Variants in MAP3K12 observed in about 807,000 individuals in gnomAD.
The protein encoded by MAP3K12 is mitogen-activated protein kinase kinase kinase 12.
A neutral mutation model predicts 87.5 loss-of-function variants in MAP3K12; 14 were observed. The observed-to-expected ratio is 0.16, with a 90% CI of 0.11 to 0.25. The LOEUF is 0.25. Ranked by LOEUF, MAP3K12 falls within the 10% of genes least tolerant of loss-of-function variation. The probability of loss-of-function intolerance (pLI) is 1.00; values close to 1 mark genes in which losing one functional copy is unlikely to be tolerated. For missense variants in MAP3K12, 802 were observed against 1,140.4 expected (o/e 0.70, Z 4.27); for synonymous variants, 469 against 452.5 (o/e 1.04, Z -0.46).
rs1169555229 is a variant in MAP3K12 at position 53,480,479 on chromosome 12, A to C, written c.*703T>G. 1 of 152,610 alleles carries C rather than the reference A, an allele frequency of 6.6e-6. No individual in the cohort carries two copies. The highest frequency in any genetic ancestry group is 1.9e-4 in the East Asian group (1 of 5,192). 9.5% of individuals were successfully genotyped at this position (152,610 alleles called of 1,614,324 possible). A position where few individuals can be genotyped will look rare whatever the true frequency, so the allele number is the denominator to read the frequency against. ...TGGTACCCCATTCATTCATCAAGAA[A>C]ACCCTCAACAGCTGGGCCTGCATGG... On this transcript the variant is annotated 3_prime_UTR_variant, in exon 14 of 14. Transcript: ENST00000547488.
chr12:53,484,461 C>T (rs756734291), intron 6 of MAP3K12, 96 bp from the exon 7 acceptor site: 7 of 834,388 alleles, frequency 8.4e-6, no homozygotes, highest in Non-Finnish European at 1.4e-5. Flanking sequence ...CTGGAGAATC[C>T]AATCCTAGAA....
At chr12:53,497,166 G>T (rs371012278) in intron 1 of MAP3K12, among the ~76,000 whole-genome samples, 10 of 152,282 alleles carry the variant, frequency 6.6e-5, no homozygotes, top group East Asian at 3.9e-4. Context: ...TATCTCACTT[G>T]GTCTTGTTAC....
intron 10 of MAP3K12, 50 bp downstream of exon 10, chr12:53,483,299 C>T (rs1943130525): frequency 5.0e-6 from 8 of 1,597,570 alleles, no homozygotes; most frequent in Non-Finnish European, 6.8e-6. Flanking sequence ...TACCTGTTGC[C>T]ACTTCAGTAT....
At position 53,485,493 on chromosome 12, in the gene MAP3K12, C is replaced by A; in HGVS notation, c.822-18G>T. On this transcript the variant is annotated intron_variant, in intron 4 of 13. Coordinates refer to ENST00000547488, the MANE Select transcript of MAP3K12 (RefSeq NM_001193511.2). ...TTAGCATGCTGGTAAAGAGTGTAGT[C>A]AGCTGGGGTCCACACCCCTCCACAC... 6.2e-7 allele frequency: 1 copy of A among 1,610,438 alleles called. No individual in the cohort carries two copies. The highest frequency in any genetic ancestry group is 1.1e-5 in the South Asian group (1 of 90,302).
chr12:53,494,771 G>A (rs1943505015), intron 1 of MAP3K12, among the ~76,000 whole-genome samples: 2 of 152,260 alleles, frequency 1.3e-5, no homozygotes, highest in Admixed American at 1.3e-4. Context: ...CAAAGGGAAA[G>A]GAGACCCAAG....
At position 53,482,976 on chromosome 12, in the gene MAP3K12, G is replaced by A. The variant is rs537027662; in HGVS notation, c.1827C>T (p.Ser609=). Residue 609 remains serine (S), a synonymous_variant, in exon 11 of 14, where the codon AGC becomes AGT. Transcript: ENST00000547488. ...AGGGTCCCCCTCCTAGGCCCCCTGG[G>A]CTTCCTGGTCCTCCAGGTTCATGGG... ...VPPHEPGGPG[S]PGGLGGGPSA... 4 of 1,582,842 alleles carry A rather than the reference G, an allele frequency of 2.5e-6. No homozygotes were observed. Among genetic ancestry groups the A allele is most frequent in the Non-Finnish European group, 2.6e-6 (3 of 1,165,792 alleles).
chr12:53,486,382 AG>A lies in MAP3K12; in HGVS notation c.629+56del. 6.3e-7 allele frequency: 1 copy of A among 1,593,352 alleles called. No homozygotes were observed. The highest frequency in any genetic ancestry group is 1.1e-5 in the South Asian group (1 of 87,858). On this transcript the variant is annotated intron_variant, in intron 3 of 13. Transcript: ENST00000547488. This position sits in a 1 kb window ranked among gnomAD's most constrained non-coding sequence, Gnocchi z 4.9. ...GATGGGGTAGGTCCCACTGCCCAGG[AG>A]GGTACCAGGCCTTAGCATAGTATCC...
chr12:53,487,215 A>C lies in MAP3K12; in HGVS notation c.177T>G (p.Gly59=), dbSNP rs1943252664. Reference sequence around the variant, plus strand: ...CTGGGGAGGGGCTGGGCCCTCCCCCACCCTGCCCACCAAGGGGTACCACAT... The same window carrying C: ...CTGGGGAGGGGCTGGGCCCTCCCCCCCCCTGCCCACCAAGGGGTACCACAT... ...LRDVVPLGGQ[G]GGGPSPSPGG... is the part of the protein sequence containing the mutation. Residue 59 remains glycine, a synonymous_variant, in exon 2 of 14, where the codon GGT becomes GGG. Transcript: ENST00000547488. 1 of 1,612,494 alleles carries C rather than the reference A, an allele frequency of 6.2e-7. No individual in the cohort carries two copies. The highest frequency in any genetic ancestry group is 8.5e-7 in the Non-Finnish European group (1 of 1,179,366).
chr12:53,487,973 G>A (rs1005804308), intron 1 of MAP3K12: 2 of 153,924 alleles, frequency 1.3e-5, no homozygotes, highest in African/African-American at 4.8e-5. Flanking sequence ...CAGCATTCTT[G>A]AGCTGCCTAC....
At chr12:53,491,616 G>C (rs1004485886) in intron 1 of MAP3K12, among the ~76,000 whole-genome samples, 9 of 151,548 alleles carry the variant, frequency 5.9e-5, no homozygotes, top group African/African-American at 2.2e-4. Flanking sequence ...TCTGTGTTTA[G>C]TAGAGACCGG....
rs1942996411 is a variant in MAP3K12, at chr12:53,480,734, G to C, written c.*448C>G. Reference sequence around the variant, plus strand: ...CATTGCCACCTGAGAAACCTCAGAGGGGAGGACCCAGCCTTAGCCTCCCTC... The same window carrying C: ...CATTGCCACCTGAGAAACCTCAGAGCGGAGGACCCAGCCTTAGCCTCCCTC... On this transcript the variant is annotated 3_prime_UTR_variant, in exon 14 of 14. Transcript: ENST00000547488. 6.6e-6 allele frequency: 1 copy of C among 152,562 alleles called. No homozygotes were observed. Among genetic ancestry groups the C allele is most frequent in the Admixed American group, 6.6e-5 (1 of 15,258 alleles). The allele number at this position is 152,562 out of a possible 1,614,324, so 9.5% of individuals were successfully genotyped here.
At position 53,482,939 on chromosome 12, in the gene MAP3K12, C is replaced by T. The variant is rs1943112167; in HGVS notation, c.1864G>A (p.Ala622Thr). ...AGCCCACGGAGGGCGGGAGGGCAGG[C>T]CTCCCAGGCTGAGGGTCCCCCTCCT... The part of the protein sequence containing the change: ...GLGGGPSAWE[A>T]CPPALRGLHH... The change falls in exon 11 of 14, where the codon GCC becomes ACC. Residue 622 changes from alanine to threonine, a missense_variant. Ala to Thr is a moderately conservative substitution (Grantham distance 58, BLOSUM62 0). Coordinates refer to ENST00000547488, the MANE Select transcript of MAP3K12 (RefSeq NM_001193511.2). The T allele has an allele frequency of 6.2e-7, 1 of 1,606,628 alleles. No individual in the cohort carries two copies. The highest frequency in any genetic ancestry group is 8.5e-7 in the Non-Finnish European group (1 of 1,178,534).
Position 53,481,198 on chromosome 12 carries a change from G to C in MAP3K12, c.2663C>G (p.Ala888Gly). 4.6e-6 allele frequency: 7 copies of C among 1,523,792 alleles called. No individual in the cohort carries two copies. The highest frequency in any genetic ancestry group is 6.2e-6 in the Non-Finnish European group (7 of 1,132,340). 94.4% of individuals were successfully genotyped at this position (1,523,792 alleles called of 1,614,324 possible). ...GAGTGGCTTTCATGGAGGGAGGGAA[G>C]CTGGGGGCCGCAAGGCATCAACGCT... ...SNSVDALRPP[A>G]SLPP Residue 888 changes from alanine (A) to glycine (G), a missense_variant, in exon 14 of 14, where the codon GCT becomes GGT. By Grantham distance (60) the Ala-to-Gly change is moderately conservative. This residue lies in a region of MAP3K12 where 490 missense variants were observed against 496.6 expected (regional missense o/e 0.99). Transcript: ENST00000547488.
At chr12:53,501,428 G>T (rs749572733), upstream of MAP3K12, 3 of 1,568,398 alleles carry the variant, frequency 1.9e-6, no homozygotes, top group Non-Finnish European at 2.6e-6. Context: ...GAGGAGCAAG[G>T]CTCCGGCACT....
In MAP3K12 at chr12:53,485,481, A is replaced by G; in HGVS notation, c.822-6T>C. 6.2e-7 allele frequency: 1 copy of G among 1,613,110 alleles called. No individual in the cohort carries two copies. Among genetic ancestry groups the G allele is most frequent in the Non-Finnish European group, 8.5e-7 (1 of 1,179,400 alleles). On this transcript the variant is annotated splice_region_variant and splice_polypyrimidine_tract_variant and intron_variant, in intron 4 of 13. Transcript: ENST00000547488. ...CGTCGTAGGTGATTAGCATGCTGGT[A>G]AAGAGTGTAGTCAGCTGGGGTCCAC...
intron 1 of MAP3K12, among the ~76,000 whole-genome samples, chr12:53,495,914 T>C (rs1248342540): frequency 6.6e-6 from 1 of 152,110 alleles, no homozygotes; most frequent in East Asian, 1.9e-4. Context: ...GTGAAGGGGT[T>C]CAGGGAAGGG....
chr12:53,492,662 A>AT (rs1211191979), intron 1 of MAP3K12, among the ~76,000 whole-genome samples: 2 of 152,104 alleles, frequency 1.3e-5, no homozygotes, highest in African/African-American at 4.8e-5. Context: ...TGCAATGCAA[A>AT]TTACAGACAA....
At chr12:53,488,523 T>G (rs1220525718) in intron 1 of MAP3K12, among the ~76,000 whole-genome samples, 1 of 152,048 alleles carries the variant, frequency 6.6e-6, no homozygotes, top group Non-Finnish European at 1.5e-5. Flanking sequence ...TAGCTAGGCG[T>G]GGTGGCACAT....
intron 1 of MAP3K12, among the ~76,000 whole-genome samples, chr12:53,495,373 G>C (rs1452263402): frequency 8.1e-6 from 1 of 124,002 alleles, no homozygotes; most frequent in African/African-American, 2.8e-5. Flanking sequence ...AAAAAGGCCA[G>C]GCGCAGTTGC....
Sources: gnomAD v4.1 joint callset for allele counts (sites outside exome capture counted in the v4.1 genomes callset) on GRCh38, gnomAD v4.1.1 for gene constraint, gnomAD v4.1.1 regional missense constraint, Gnocchi (gnomAD v3.1) non-coding constraint, MANE v1.5 for transcripts, NCBI Gene and HGNC (gene_info 2026-07-23, HGNC 2026-07-21) for gene names.